Variants in PTPRD observed in about 807,000 individuals in gnomAD.
PTPRD encodes receptor-type tyrosine-protein phosphatase delta.
In PTPRD, 34 loss-of-function variants were observed where a neutral mutation model predicts 214.5. The observed-to-expected ratio is 0.16, with a 90% CI of 0.12 to 0.21. The LOEUF (loss-of-function observed/expected upper bound fraction) is 0.21. PTPRD is among the 10% of genes least tolerant of loss of function. PTPRD has a pLI of 1.00. For synonymous variants in PTPRD, 1,128 were observed against 845.7 expected, an observed-to-expected ratio of 1.33 and a Z score of -5.79; for missense variants, 2,545 against 2,398.7, an observed-to-expected ratio of 1.06 and a Z score of -1.27.
intron 10 of PTPRD, among the ~76,000 whole-genome samples, chr9:9,135,981 A>AATG (rs113295736): frequency 0.048 from 7,231 of 150,636 alleles, 386 homozygotes; most frequent in African/African-American, 0.13. Context: ...TCATCTTATA[A>AATG]ATTATATACA....
chr9:10,141,058 G>A (rs572203042), intron 3 of PTPRD, among the ~76,000 whole-genome samples: 25 of 152,194 alleles, frequency 1.6e-4, no homozygotes, highest in African/African-American at 5.1e-4. Flanking sequence ...AACCCTTCAT[G>A]CTAAAAATTC....
chr9:10,084,752 G>C (rs1405038361), intron 3 of PTPRD, among the ~76,000 whole-genome samples: 1 of 151,956 alleles, frequency 6.6e-6, no homozygotes, highest in Non-Finnish European at 1.5e-5. Context: ...TAAAACATCA[G>C]TCATGGTTGT....
At chr9:9,359,467 T>G (rs2055152584) in intron 9 of PTPRD, among the ~76,000 whole-genome samples, 1 of 151,258 alleles carries the variant, frequency 6.6e-6, no homozygotes. Context: ...TGTCCTGATC[T>G]TCATAAAAAC....
At chr9:9,025,087 A>G (rs965239402) in intron 10 of PTPRD, among the ~76,000 whole-genome samples, 3 of 151,974 alleles carry the variant, frequency 2.0e-5, no homozygotes, top group East Asian at 1.9e-4. Flanking sequence ...ACATAGATAT[A>G]TTTTTATTCA....
chr9:9,368,643 G>T (rs1281042792), intron 9 of PTPRD, among the ~76,000 whole-genome samples: 1 of 151,762 alleles, frequency 6.6e-6, no homozygotes, highest in Non-Finnish European at 1.5e-5. Context: ...AAATCATTTT[G>T]GTGGACTAAT....
chr9:10,198,080 G>A (rs1206398552), intron 3 of PTPRD, among the ~76,000 whole-genome samples: 1 of 151,968 alleles, frequency 6.6e-6, no homozygotes. Flanking sequence ...TTAAATAGAA[G>A]AATAAATCTT....
chr9:9,086,080 C>A (rs1184354170), intron 10 of PTPRD, among the ~76,000 whole-genome samples: 3 of 152,200 alleles, frequency 2.0e-5, no homozygotes, highest in Non-Finnish European at 4.4e-5. Context: ...TAATGATTAA[C>A]TAACTCACAT....
intron 14 of PTPRD, among the ~76,000 whole-genome samples, chr9:8,611,203 G>A (rs987873442): frequency 5.9e-5 from 9 of 152,164 alleles, no homozygotes; most frequent in Admixed American, 5.9e-4. Flanking sequence ...CCAAAAAGCT[G>A]ATTGTTCATT....
intron 4 of PTPRD, among the ~76,000 whole-genome samples, chr9:9,955,254 C>G (rs1376312638): frequency 6.6e-6 from 1 of 151,634 alleles, no homozygotes; most frequent in East Asian, 1.9e-4. Context: ...AATGAGTGAA[C>G]GAGTACTAAA....
intron 9 of PTPRD, among the ~76,000 whole-genome samples, chr9:9,391,719 G>C (rs749106901): frequency 8.5e-5 from 13 of 152,110 alleles, no homozygotes; most frequent in Admixed American, 2.0e-4. Context: ...TTTTTATTAA[G>C]TAGTAAAACC....
intron 4 of PTPRD, among the ~76,000 whole-genome samples, chr9:9,964,192 A>G (rs2094539819): frequency 7.1e-6 from 1 of 140,618 alleles, no homozygotes; most frequent in Admixed American, 7.3e-5. Context: ...AAATTGGGGG[A>G]AAAAAGAATC....
chr9:8,774,025 C>T (rs1036327), intron 11 of PTPRD, among the ~76,000 whole-genome samples: 96,861 of 151,942 alleles, frequency 0.64, 31,426 homozygotes, highest in Middle Eastern at 0.72. Context: ...AAGGAGCCAT[C>T]TATTATCCAA....
intron 8 of PTPRD, among the ~76,000 whole-genome samples, chr9:9,487,314 A>C (rs946513047): frequency 2.0e-5 from 3 of 147,756 alleles, no homozygotes; most frequent in East Asian, 2.0e-4. Flanking sequence ...TGTGGTGTTT[A>C]GTTTTTTGTC....
chr9:8,968,216 C>T (rs1025114128), intron 11 of PTPRD, among the ~76,000 whole-genome samples: 14 of 152,070 alleles, frequency 9.2e-5, no homozygotes, highest in Non-Finnish European at 1.9e-4. Flanking sequence ...AATAAACATA[C>T]GTGTGCATGT....
At chr9:9,790,139 G>A (rs1419244424) in intron 5 of PTPRD, among the ~76,000 whole-genome samples, 1 of 152,048 alleles carries the variant, frequency 6.6e-6, no homozygotes, top group Non-Finnish European at 1.5e-5. Context: ...TGTACTATTC[G>A]TTAGCTCTCC....
At chr9:9,682,388 C>T (rs2097092137) in intron 7 of PTPRD, among the ~76,000 whole-genome samples, 1 of 151,764 alleles carries the variant, frequency 6.6e-6, no homozygotes, top group South Asian at 2.1e-4. Flanking sequence ...AGAATGCTCA[C>T]ATTTTCTGTC....
chr9:10,115,846 G>T (rs1047014066), intron 3 of PTPRD, among the ~76,000 whole-genome samples: 9 of 151,880 alleles, frequency 5.9e-5, no homozygotes, highest in Non-Finnish European at 1.2e-4. Context: ...TCAAAAACGG[G>T]GTACTAAAAT....
At chr9:9,897,502 TA>T (rs2075321833) in intron 5 of PTPRD, among the ~76,000 whole-genome samples, 1 of 152,110 alleles carries the variant, frequency 6.6e-6, no homozygotes, top group Non-Finnish European at 1.5e-5. Context: ...ATTTTTCATC[TA>T]TTTTTTTCTT....
chr9:9,743,939 A>T (rs1344343118), intron 6 of PTPRD, among the ~76,000 whole-genome samples: 1 of 152,146 alleles, frequency 6.6e-6, no homozygotes, highest in Non-Finnish European at 1.5e-5. Flanking sequence ...AGAAACAGTG[A>T]CATTAAATAA....
Sources: gnomAD v4.1 joint callset for allele counts (sites outside exome capture counted in the v4.1 genomes callset) on GRCh38, gnomAD v4.1.1 for gene constraint, MANE v1.5 for transcripts, NCBI Gene and HGNC (gene_info 2026-07-23, HGNC 2026-07-21) for gene names.